Variants in CTC1 observed in about 807,000 individuals in gnomAD.
The protein encoded by CTC1 is CST telomere replication complex component 1, also known as CST complex subunit CTC1.
A neutral mutation model predicts 136.3 loss-of-function variants in CTC1; 91 were observed. The ratio of observed to expected loss-of-function variants is 0.67; its 90% confidence interval spans 0.56 to 0.79. The LOEUF (loss-of-function observed/expected upper bound fraction) is 0.79. Among genes scored for constraint, CTC1 ranks in the 30% least tolerant of loss-of-function variants. CTC1 has a pLI of 0.00. For synonymous variants in CTC1, 606 were observed against 613.8 expected (o/e 0.99, Z 0.19); for missense variants, 1,432 against 1,498.1 (o/e 0.96, Z 0.73).
chr17:8,227,139 T>G lies in CTC1; in HGVS notation c.*1041A>C, dbSNP rs148405704. 1 of 152,164 alleles carries G rather than the reference T, an allele frequency of 6.6e-6. No individual in the cohort carries two copies. Among genetic ancestry groups the G allele is most frequent in the Admixed American group, 6.5e-5 (1 of 15,276 alleles). The allele number at this position is 152,164 out of a possible 1,614,324, so 9.4% of individuals were successfully genotyped here. A position where few individuals can be genotyped will look rare whatever the true frequency, so the allele number is the denominator to read the frequency against. On this transcript the variant is annotated 3_prime_UTR_variant, in exon 23 of 23. Coordinates refer to ENST00000651323, the MANE Select transcript of CTC1 (RefSeq NM_025099.6). ...TAAAAGCAGCATAAATCCCAACATA[T>G]GGGTTTAACCACGCTCTAAAGGTCT...
intron 1 of CTC1, chr17:8,247,757 C>T: frequency 2.0e-6 from 1 of 512,380 alleles, no homozygotes; most frequent in South Asian, 2.4e-5. Flanking sequence ...TCCTGGTTTC[C>T]CACCAGGATT....
rs1597371573 is a variant in CTC1, at chr17:8,227,813, G to C, written c.*367C>G. ...CCTGGGACCCCAGAGATGAGTACCA[G>C]TGAGAAATGACACCAGAGGGCTTCA... On this transcript the variant is annotated 3_prime_UTR_variant, in exon 23 of 23. Coordinates refer to ENST00000651323, the MANE Select transcript of CTC1 (RefSeq NM_025099.6). 1.7e-5 allele frequency: 3 copies of C among 180,492 alleles called. No homozygotes were observed. The highest frequency in any genetic ancestry group is 1.4e-4 in the East Asian group (1 of 7,216). The allele number at this position is 180,492 out of a possible 1,614,324, so 11.2% of individuals were successfully genotyped here. A position where few individuals can be genotyped will look rare whatever the true frequency, so the allele number is the denominator to read the frequency against.
chr17:8,230,266 G>A, intron 17 of CTC1, 28 bp downstream of exon 17: 1 of 1,591,746 alleles, frequency 6.3e-7, no homozygotes, highest in Non-Finnish European at 8.5e-7. Context: ...AGTAGCAAGA[G>A]GAGGCAGGTG....
Position 8,232,245 on chromosome 17 carries a change from GA to G in CTC1, c.2061-19del. Reference sequence around the variant, plus strand: ...CATAGACTCTGTTGGGAGAGACAAGGAATACATTTCTTAGTGATGCAGGCAT... The same window carrying G: ...CATAGACTCTGTTGGGAGAGACAAGGATACATTTCTTAGTGATGCAGGCAT... On this transcript the variant is annotated intron_variant, in intron 12 of 22. Transcript: ENST00000651323. The G allele has an allele frequency of 3.3e-6, 5 of 1,538,392 alleles. No homozygotes were observed. Among genetic ancestry groups the G allele is most frequent in the Non-Finnish European group, 4.4e-6 (5 of 1,145,190 alleles).
At chr17:8,230,235 C>A in intron 17 of CTC1, 59 bp downstream of exon 17, 5 of 1,524,134 alleles carry the variant, frequency 3.3e-6, no homozygotes, top group Non-Finnish European at 4.5e-6. Context: ...AGCAGGGGTG[C>A]ACATTCCAGA....
At chr17:8,229,083 G>C in intron 20 of CTC1, 59 bp downstream of exon 20, 1 of 1,562,764 alleles carries the variant, frequency 6.4e-7, no homozygotes, top group South Asian at 1.1e-5. Flanking sequence ...AGAAACTGCA[G>C]ATAGACAAAG....
At chr17:8,233,107 G>T in intron 10 of CTC1, 75 bp from the exon 11 acceptor site, 70 of 1,452,722 alleles carry the variant, frequency 4.8e-5, no homozygotes, top group East Asian at 7.3e-5. Flanking sequence ...GCCAGATGCT[G>T]TATTACATGG....
rs751960515 is a variant in CTC1, at chr17:8,229,142, C to T, written c.3221G>A (p.Arg1074Lys). 4 of 1,613,596 alleles carry T rather than the reference C, an allele frequency of 2.5e-6. No individual in the cohort carries two copies. In the East Asian group the frequency reaches 6.7e-5, roughly 27 times the overall value. ...ATGGGTGCACGCCTTGTGCTCTCACCTGATGATGGCCTGGCTTATAGCTGT... is the reference window on the plus strand; with the variant it reads ...ATGGGTGCACGCCTTGTGCTCTCACTTGATGATGGCCTGGCTTATAGCTGT... ...TQTAISQAII[R>K]LLVEDGTAEA... is the part of the protein sequence containing the mutation. The change falls in exon 20 of 23, where the codon AGG becomes AAG. Residue 1074 changes from arginine to lysine, a missense_variant and splice_region_variant. Arg to Lys is a conservative substitution (Grantham distance 26). Transcript: ENST00000651323.
At chr17:8,246,851 A>G (rs1434232522) in intron 1 of CTC1, among the ~76,000 whole-genome samples, 1 of 151,302 alleles carries the variant, frequency 6.6e-6, no homozygotes, top group East Asian at 2.0e-4. Flanking sequence ...GGTTGCAGTG[A>G]GCCGAGATCG....
intron 11 of CTC1, 54 bp from the exon 12 acceptor site, chr17:8,232,529 T>G (rs1178825041): frequency 3.4e-6 from 5 of 1,485,564 alleles, no homozygotes; most frequent in Non-Finnish European, 4.7e-6. Context: ...TGGGGTGGGT[T>G]GCAAGGCAAA....
chr17:8,228,502 C>A lies in CTC1; in HGVS notation c.3514+1G>T. 1.2e-6 allele frequency: 2 copies of A among 1,614,136 alleles called. No homozygotes were observed. Among genetic ancestry groups the A allele is most frequent in the Non-Finnish European group, 8.5e-7 (1 of 1,180,032 alleles). On this transcript the variant is annotated splice_donor_variant, in intron 22 of 22. Coordinates refer to ENST00000651323, the MANE Select transcript of CTC1 (RefSeq NM_025099.6). LOFTEE classifies it high-confidence loss of function. ...CATGATCCCCCCGTCTCCAACCTTA[C>A]CTAATGGGACGATCTTCGACGGTTT...
In CTC1 at chr17:8,232,043, G is replaced by T. The variant is rs765353292; in HGVS notation, c.2245C>A (p.Pro749Thr). 8 of 1,575,962 alleles carry T rather than the reference G, an allele frequency of 5.1e-6. No homozygotes were observed. In the South Asian group the frequency reaches 8.3e-5, roughly 16 times the overall value. Residue 749 changes from proline to threonine, a missense_variant, in exon 13 of 23, where the codon CCC (proline) becomes ACC (threonine). Transcript: ENST00000651323. Reference protein sequence around the residue: ...EALMKRNFCVPPGASPEVPKP... With the variant: ...EALMKRNFCVTPGASPEVPKP... ...GGCACCTCTGGACTTGCTCCTGGGG[G>T]GACACAAAAATTACGCTTCATGAGG...
intron 11 of CTC1, 27 bp from the exon 12 acceptor site, chr17:8,232,502 A>G: frequency 6.3e-7 from 1 of 1,595,226 alleles, no homozygotes; most frequent in Admixed American, 1.7e-5. Context: ...TTCTGTTTTG[A>G]CAAGAAAGGA....
intron 15 of CTC1, among the ~76,000 whole-genome samples, 158 bp downstream of exon 15, chr17:8,231,118 G>A (rs1032583357): frequency 6.6e-6 from 1 of 152,068 alleles, no homozygotes; most frequent in Non-Finnish European, 1.5e-5. Flanking sequence ...TCTGGCTTAG[G>A]CAACAGAGTG....
Position 8,229,415 on chromosome 17 carries a change from G to T in CTC1, c.3043C>A (p.Leu1015Ile). 1 of 1,613,846 alleles carries T rather than the reference G, an allele frequency of 6.2e-7. No individual in the cohort carries two copies. The highest frequency in any genetic ancestry group is 2.2e-5 in the East Asian group (1 of 44,892). ...AATGGGGACTGACCACCCTGCAGAA[G>T]TTCAGCCAGGTAGATGTGGGGCAGG... Reference protein sequence around the residue: ...IPLPHIYLAELLQGGQSPFQA... With the variant: ...IPLPHIYLAEILQGGQSPFQA... Residue 1015 changes from leucine to isoleucine, a missense_variant, in exon 19 of 23, where the codon CTT becomes ATT. Transcript: ENST00000651323.
chr17:8,246,110 G>A (rs1222476799), intron 1 of CTC1, among the ~76,000 whole-genome samples: 1 of 151,656 alleles, frequency 6.6e-6, no homozygotes, highest in Non-Finnish European at 1.5e-5. Context: ...GGAGGCTGAG[G>A]TGGGAGGATC....
At position 8,227,210 on chromosome 17, in the gene CTC1, A is replaced by G. The variant is rs544467350; in HGVS notation, c.*970T>C. 1 of 152,392 alleles carries G rather than the reference A, an allele frequency of 6.6e-6. No homozygotes were observed. The highest frequency in any genetic ancestry group is 2.4e-5 in the African/African-American group (1 of 41,580). 9.4% of individuals were successfully genotyped at this position (152,392 alleles called of 1,614,324 possible). A position where few individuals can be genotyped will look rare whatever the true frequency, so the allele number is the denominator to read the frequency against. On this transcript the variant is annotated 3_prime_UTR_variant, in exon 23 of 23. Transcript: ENST00000651323. ...AACAGCCAGGAAGAAATGGCCTCCC[A>G]GTAGCTCTGAAAGATGTGCCTCAGC...
rs754284710 is a variant in CTC1, at chr17:8,232,393, G to A, written c.2028C>T (p.Ser676=). Residue 676 remains serine (S), a synonymous_variant, in exon 12 of 23, where the codon AGC becomes AGT. Transcript: ENST00000651323. ...GCTGCTTCTGGATGAAGCCTGGCAT[G>A]CTCAGCTCCTTCCAGGAAGGGAAGC... The part of the protein sequence containing the change: ...RSSFPSWKEL[S]MPGFIQKQQA... The A allele has an allele frequency of 1.2e-6, 2 of 1,614,102 alleles. No individual in the cohort carries two copies. The highest frequency in any genetic ancestry group is 1.7e-6 in the Non-Finnish European group (2 of 1,179,974).
At chr17:8,240,516 A>G (rs1233569381) in intron 2 of CTC1, among the ~76,000 whole-genome samples, 1 of 151,804 alleles carries the variant, frequency 6.6e-6, no homozygotes, top group Non-Finnish European at 1.5e-5. Flanking sequence ...AAGAAAGGAA[A>G]AACAGTCCAG....
Sources: allele counts gnomAD v4.1 joint callset (sites outside exome capture counted in the v4.1 genomes callset), GRCh38; gene constraint gnomAD v4.1.1; transcripts MANE v1.5; gene names NCBI Gene and HGNC (gene_info 2026-07-23, HGNC 2026-07-21).